The following ADK variants were observed in gnomAD, a reference collection of about 807,000 sequenced individuals.
ADK encodes the protein N6,N6-dimethyladenosine kinase.
A neutral mutation model predicts 44.7 loss-of-function variants in ADK; 24 were observed. That is an observed-to-expected ratio of 0.54 (90% CI 0.39 to 0.76). The LOEUF (loss-of-function observed/expected upper bound fraction) is 0.76. Among genes scored for constraint, ADK ranks in the 30% least tolerant of loss-of-function variants. The pLI, the probability that ADK is intolerant of heterozygous loss-of-function variation, is 0.00. For missense variants in ADK, 321 were observed against 425.1 expected (o/e 0.76, Z 2.15); for synonymous variants, 128 against 142.6 (o/e 0.90, Z 0.73).
chr10:74,328,575 G>A (rs1841099465), intron 4 of ADK, among the ~76,000 whole-genome samples: 1 of 152,104 alleles, frequency 6.6e-6, no homozygotes, highest in African/African-American at 2.4e-5. Context: ...GGAGGTGATT[G>A]GATCATGGGG....
chr10:74,644,729 T>C (rs1008234100), intron 9 of ADK, among the ~76,000 whole-genome samples: 2 of 152,086 alleles, frequency 1.3e-5, no homozygotes, highest in Non-Finnish European at 2.9e-5. Flanking sequence ...TGGGGCTTTG[T>C]ATGTTGCCCA....
chr10:74,336,077 G>C (rs961175191), intron 4 of ADK, among the ~76,000 whole-genome samples: 14 of 152,032 alleles, frequency 9.2e-5, no homozygotes, highest in Admixed American at 3.3e-4. Context: ...AGAACTCTTT[G>C]CCTAATCCAG....
At chr10:74,300,292 TTCCTTCCTTCCTTCCTTCTTTCCTTCC>T in intron 3 of ADK, among the ~76,000 whole-genome samples, 1 of 82,166 alleles carries the variant, frequency 1.2e-5, no homozygotes, top group African/African-American at 5.2e-5. Flanking sequence ...CCTTCCTTCC[TTCCTTCCTTCCTTCCTTCTTTCCTTCC>T]TTCCTTCCTT....
intron 7 of ADK, among the ~76,000 whole-genome samples, chr10:74,558,083 CTCCAGGCCCCTCAGGAAGCAAT>C (rs549219886): frequency 0.016 from 2,449 of 152,316 alleles, 33 homozygotes; most frequent in Non-Finnish European, 0.028. Flanking sequence ...GTGTGACTCT[CTCCAGGCCCCTCAGGAAGCAAT>C]TTAGAACAAA....
intron 3 of ADK, among the ~76,000 whole-genome samples, chr10:74,228,082 T>G (rs545777648): frequency 1.3e-5 from 2 of 152,334 alleles, no homozygotes; most frequent in African/African-American, 4.8e-5. Context: ...TAATGAATAT[T>G]AAGTATGTTT....
intron 4 of ADK, among the ~76,000 whole-genome samples, chr10:74,358,412 C>A (rs914085872): frequency 4.6e-5 from 7 of 151,988 alleles, no homozygotes; most frequent in African/African-American, 1.7e-4. Context: ...TAACTGTGGT[C>A]CACTTACTTA....
At chr10:74,475,664 A>T (rs1371558286) in intron 6 of ADK, among the ~76,000 whole-genome samples, 1 of 151,938 alleles carries the variant, frequency 6.6e-6, no homozygotes, top group East Asian at 1.9e-4. Flanking sequence ...CATGATCATG[A>T]CACTGCACTC....
chr10:74,508,082 A>T (rs989288309), intron 6 of ADK, among the ~76,000 whole-genome samples: 3 of 152,194 alleles, frequency 2.0e-5, no homozygotes, highest in Non-Finnish European at 2.9e-5. Flanking sequence ...TGTAGATTAC[A>T]GCTGGTTTAC....
intron 6 of ADK, among the ~76,000 whole-genome samples, chr10:74,440,938 G>A (rs1205169673): frequency 2.6e-5 from 4 of 152,136 alleles, no homozygotes; most frequent in Admixed American, 2.6e-4. Flanking sequence ...CATGGGTGCT[G>A]TCTTTAGTGA....
chr10:74,704,790 T>A (rs919498814), intron 10 of ADK, among the ~76,000 whole-genome samples: 4 of 152,264 alleles, frequency 2.6e-5, no homozygotes, highest in Non-Finnish European at 4.4e-5. Context: ...ATAAGGCGTC[T>A]AATAGACATG....
At chr10:74,314,357 A>G (rs1378190972) in intron 3 of ADK, among the ~76,000 whole-genome samples, 1 of 152,082 alleles carries the variant, frequency 6.6e-6, no homozygotes, top group Admixed American at 6.6e-5. Context: ...TGACTTAACC[A>G]GTTTGCCACG....
chr10:74,302,157 C>G lies in ADK; in HGVS notation c.195-12510C>G, dbSNP rs568028301. 2.8e-4 allele frequency among the ~76,000 whole-genome samples: 25 copies of G among 89,982 alleles called. No individual in the cohort carries two copies. In the South Asian group the frequency reaches 6.7e-3, roughly 24 times the overall value. The allele number at this position is 89,982 out of a possible 152,430, so 59.0% of individuals were successfully genotyped here. A position where few individuals can be genotyped will look rare whatever the true frequency, so the allele number is the denominator to read the frequency against. ...TTTTTTTTTTTTTTTGAGATGGAGT[C>G]TTGCTCTGTCGACCAGGCTGGGGTG... On this transcript the variant is annotated intron_variant, in intron 3 of 10. Coordinates refer to ENST00000539909, the MANE Select transcript of ADK (RefSeq NM_006721.4).
chr10:74,338,976 A>G (rs76519505), intron 4 of ADK, among the ~76,000 whole-genome samples: 2,698 of 152,242 alleles, frequency 0.018, 66 homozygotes, highest in African/African-American at 0.052. Context: ...TTTAAGAGAC[A>G]GTGTCTTGTT....
At chr10:74,342,461 AT>A (rs1436731396) in intron 4 of ADK, among the ~76,000 whole-genome samples, 2 of 152,016 alleles carry the variant, frequency 1.3e-5, no homozygotes, top group Non-Finnish European at 2.9e-5. Context: ...TAGAGATACA[AT>A]TGTGTGTGGT....
At chr10:74,170,813 A>G (rs1842143192) in intron 1 of ADK, among the ~76,000 whole-genome samples, 2 of 151,276 alleles carry the variant, frequency 1.3e-5, no homozygotes, top group South Asian at 4.1e-4. Flanking sequence ...AAAAAAAAAA[A>G]AAGAAAAAAG....
intron 2 of ADK, among the ~76,000 whole-genome samples, chr10:74,206,099 T>C (rs917037433): frequency 6.6e-6 from 1 of 152,222 alleles, no homozygotes; most frequent in East Asian, 1.9e-4. Flanking sequence ...AACTAATTCA[T>C]GGTCACTATT....
intron 4 of ADK, 43 bp from the exon 5 acceptor site, chr10:74,394,098 C>A: frequency 1.9e-6 from 3 of 1,593,130 alleles, no homozygotes; most frequent in Non-Finnish European, 1.7e-6. Context: ...CTATGTGTAC[C>A]ATTTTTTTGC....
intron 7 of ADK, 56 bp from the exon 8 acceptor site, chr10:74,589,226 A>T: frequency 6.5e-7 from 1 of 1,529,736 alleles, no homozygotes. Context: ...AAAATGGATT[A>T]TTTCTTCATT....
intron 6 of ADK, among the ~76,000 whole-genome samples, chr10:74,467,917 G>A (rs1846420352): frequency 6.6e-6 from 1 of 152,030 alleles, no homozygotes; most frequent in Non-Finnish European, 1.5e-5. Flanking sequence ...AATCTCATTA[G>A]TCACTGACAG....
Sources: gnomAD v4.1 joint callset for allele counts (sites outside exome capture counted in the v4.1 genomes callset) on GRCh38, gnomAD v4.1.1 for gene constraint, MANE v1.5 for transcripts, NCBI Gene and HGNC (gene_info 2026-07-23, HGNC 2026-07-21) for gene names.